Variants in SPATA9 observed in about 807,000 individuals in gnomAD.
The protein encoded by SPATA9 is spermatogenesis-associated protein 9.
In SPATA9, 27 loss-of-function variants were observed where a neutral mutation model predicts 25.5. The ratio of observed to expected loss-of-function variants is 1.06; its 90% CI spans 0.78 to 1.46. The LOEUF is 1.46. Ranked by LOEUF, SPATA9 falls within the 40% of genes most tolerant of loss-of-function variation. The probability of loss-of-function intolerance (pLI) is 0.00; values close to 1 mark genes in which losing one functional copy is unlikely to be tolerated. For missense variants in SPATA9, 282 were observed against 297.5 expected, an observed-to-expected ratio of 0.95 and a Z score of 0.38; for synonymous variants, 102 against 105.7, an observed-to-expected ratio of 0.97 and a Z score of 0.21.
At chr5:95,683,323 T>C (rs951866686), upstream of SPATA9, among the ~76,000 whole-genome samples, 1 of 152,146 alleles carries the variant, frequency 6.6e-6, no homozygotes. Flanking sequence ...AATAGATTGT[T>C]TTTGCTTCAC....
chr5:95,699,975 C>T (rs1469478138), upstream of SPATA9, among the ~76,000 whole-genome samples: 1 of 152,058 alleles, frequency 6.6e-6, no homozygotes, highest in African/African-American at 2.4e-5. Flanking sequence ...CTGGGCCAGA[C>T]AGAAAGATCT....
At chr5:95,711,811 T>A in the SPATA9 span, among the ~76,000 whole-genome samples, 8 of 152,192 alleles carry the variant, frequency 5.3e-5, no homozygotes, top group East Asian at 1.9e-4. Context: ...GGAGGAGGAT[T>A]CCTGACCAAA....
At chr5:95,699,533 A>C (rs146851489), upstream of SPATA9, among the ~76,000 whole-genome samples, 1,443 of 152,346 alleles carry the variant, frequency 9.5e-3, 22 homozygotes, top group African/African-American at 0.033. Context: ...TAGCAATATC[A>C]ACAAAAAATG....
Position 95,658,842 on chromosome 5 carries a change from G to A in SPATA9, c.546C>T (p.Asn182=). 1 of 1,613,882 alleles carries A rather than the reference G, an allele frequency of 6.2e-7. No individual in the cohort carries two copies. The highest frequency in any genetic ancestry group is 2.2e-5 in the East Asian group (1 of 44,846). The change falls in exon 5 of 5, where the codon AAC becomes AAT. Residue 182 remains asparagine (N), a synonymous_variant. Coordinates refer to ENST00000274432, the MANE Select transcript of SPATA9 (RefSeq NM_031952.4). ...IFQEEESIRQ[N]REESENCRKA... is the part of the protein sequence containing the mutation. ...TTCTACAATTTTCACTCTCCTCTCT[G>A]TTTTGCCTTATGGATTCTTCTTCCT...
At chr5:95,696,859 G>A (rs213001) in intron 1 of SPATA9, among the ~76,000 whole-genome samples, 86,428 of 151,976 alleles carry the variant, frequency 0.57, 24,759 homozygotes, top group East Asian at 0.8. Flanking sequence ...CTGTCTCCAA[G>A]TGAAACAAAA....
intron 3 of SPATA9, among the ~76,000 whole-genome samples, chr5:95,667,322 G>C (rs1201459272): frequency 2.0e-5 from 3 of 148,882 alleles, no homozygotes; most frequent in South Asian, 4.3e-4. Context: ...GAGTGGGGGG[G>C]TGGGGGTGCT....
At chr5:95,731,799 A>T in the SPATA9 span, 1 of 1,602,592 alleles carries the variant, frequency 6.2e-7, no homozygotes, top group African/African-American at 1.3e-5. Flanking sequence ...TCCTGTTCCG[A>T]GGAGAGACCC....
chr5:95,678,750 C>T (rs1172324563), intron 2 of SPATA9, among the ~76,000 whole-genome samples: 1 of 152,176 alleles, frequency 6.6e-6, no homozygotes, highest in Non-Finnish European at 1.5e-5. Context: ...GCCGCACTTA[C>T]AATCTAACCT....
chr5:95,689,111 C>T (rs745420816), intron 1 of SPATA9, among the ~76,000 whole-genome samples: 73 of 152,204 alleles, frequency 4.8e-4, no homozygotes, highest in Non-Finnish European at 8.7e-4. Flanking sequence ...AACTGTAACC[C>T]GTTATAGTGA....
At chr5:95,714,012 A>G in the SPATA9 span, among the ~76,000 whole-genome samples, 1 of 152,188 alleles carries the variant, frequency 6.6e-6, no homozygotes, top group Non-Finnish European at 1.5e-5. Context: ...GCATACAATC[A>G]TATCATCTGA....
At chr5:95,729,317 T>TGGG in the SPATA9 span, among the ~76,000 whole-genome samples, 1 of 152,182 alleles carries the variant, frequency 6.6e-6, no homozygotes, top group Admixed American at 6.5e-5. Context: ...GACCAAGTCT[T>TGGG]ATGTACCTTG....
At chr5:95,654,402 G>A (rs1363292451), downstream of SPATA9, 2 of 1,378,444 alleles carry the variant, frequency 1.5e-6, no homozygotes, top group Non-Finnish European at 2.0e-6. Context: ...AGCAAATTCA[G>A]CAAATAAATA....
intron 2 of SPATA9, among the ~76,000 whole-genome samples, chr5:95,680,848 A>G (rs1436570280): frequency 1.3e-5 from 2 of 152,116 alleles, no homozygotes; most frequent in African/African-American, 2.4e-5. Flanking sequence ...AATCAAACTC[A>G]TTATCTCCAA....
chr5:95,671,646 G>T (rs1435626233), intron 3 of SPATA9, among the ~76,000 whole-genome samples: 1 of 152,026 alleles, frequency 6.6e-6, no homozygotes, highest in Non-Finnish European at 1.5e-5. Context: ...CTGACCTCAG[G>T]TGATCCACCA....
chr5:95,679,625 A>C (rs1753250042), intron 2 of SPATA9, among the ~76,000 whole-genome samples: 1 of 152,208 alleles, frequency 6.6e-6, no homozygotes, highest in African/African-American at 2.4e-5. Context: ...GGCAGAAAGC[A>C]GTTGCTTCCC....
chr5:95,652,509 T>A (rs967651713), downstream of SPATA9: 2 of 789,292 alleles, frequency 2.5e-6, no homozygotes, highest in African/African-American at 3.5e-5. Context: ...TCTGCAAAAA[T>A]ACCATTCATT....
the SPATA9 span, chr5:95,708,523 G>C: frequency 1.4e-6 from 1 of 693,586 alleles, no homozygotes; most frequent in Admixed American, 2.0e-5. Flanking sequence ...GGTGGCTAAA[G>C]TTACAAATGT....
At chr5:95,731,844 C>G in the SPATA9 span, 5 of 1,608,346 alleles carry the variant, frequency 3.1e-6, no homozygotes, top group Admixed American at 6.7e-5. Context: ...CCCCTCGCCC[C>G]CTCTGTCCGT....
the SPATA9 span, chr5:95,731,568 G>C: frequency 1.3e-6 from 2 of 1,503,828 alleles, no homozygotes; most frequent in Admixed American, 2.2e-5. Context: ...AGGCGCGCGA[G>C]GGGGACGCGG....
Sources: gnomAD v4.1 joint callset for allele counts (sites outside exome capture counted in the v4.1 genomes callset) on GRCh38, gnomAD v4.1.1 for gene constraint, MANE v1.5 for transcripts, NCBI Gene and HGNC (gene_info 2026-07-23, HGNC 2026-07-21) for gene names.